PCDH7: variants seen among roughly 807,000 people sequenced by gnomAD.
PCDH7 encodes the protein protocadherin 7.
A neutral mutation model predicts 58.9 loss-of-function variants in PCDH7; 17 were observed. The observed-to-expected ratio is 0.29, with a 90% CI of 0.20 to 0.43. The LOEUF is 0.43. Ranked by LOEUF, PCDH7 falls within the 20% of genes least tolerant of loss-of-function variation. The probability of loss-of-function intolerance (pLI) is 1.00; values close to 1 mark genes in which losing one functional copy is unlikely to be tolerated. For synonymous variants in PCDH7, 664 were observed against 616.4 expected (o/e 1.08, Z -1.14); for missense variants, 1,274 against 1,441.0 (o/e 0.88, Z 1.88).
At chr4:30,968,482 C>T (rs1337247837) in intron 3 of PCDH7, among the ~76,000 whole-genome samples, 1 of 146,296 alleles carries the variant, frequency 6.8e-6, no homozygotes, top group Non-Finnish European at 1.5e-5. Flanking sequence ...AGGTTGGAGA[C>T]TTCTTGAGCA....
At chr4:30,789,049 T>G (rs768998235) in intron 1 of PCDH7, among the ~76,000 whole-genome samples, 1 of 152,098 alleles carries the variant, frequency 6.6e-6, no homozygotes, top group African/African-American at 2.4e-5. Context: ...ACAGTATGAA[T>G]TGACAGTTGT....
At chr4:31,139,068 C>T (rs868545067) in intron 3 of PCDH7, among the ~76,000 whole-genome samples, 10 of 151,892 alleles carry the variant, frequency 6.6e-5, no homozygotes, top group Non-Finnish European at 1.3e-4. Flanking sequence ...TAATAAGATG[C>T]AATGATTCTA....
chr4:30,875,891 TGAAC>T (rs1344443948), intron 1 of PCDH7, among the ~76,000 whole-genome samples: 2 of 152,120 alleles, frequency 1.3e-5, no homozygotes, highest in East Asian at 1.9e-4. Flanking sequence ...ACAGGATCTG[TGAAC>T]GTTTTCTTCT....
chr4:30,857,207 TCATTTAATAGG>T (rs1208744582), intron 1 of PCDH7, among the ~76,000 whole-genome samples: 2 of 152,140 alleles, frequency 1.3e-5, no homozygotes, highest in Non-Finnish European at 1.5e-5. Context: ...TGAATGCCTT[TCATTTAATAGG>T]CATATTTTAG....
chr4:30,823,828 C>G (rs1335066872), intron 1 of PCDH7, among the ~76,000 whole-genome samples: 1 of 151,984 alleles, frequency 6.6e-6, no homozygotes, highest in African/African-American at 2.4e-5. Context: ...CAAATAGCAC[C>G]CAACCAAAAA....
At position 30,723,578 on chromosome 4, in the gene PCDH7, A is replaced by ATCC. The variant is rs763242863; in HGVS notation, c.2160_2162dup (p.Pro721dup). On this transcript the variant is annotated inframe_insertion, in exon 1 of 2. Transcript: ENST00000361762. The surrounding 1 kb of genome is among the most constrained non-coding windows in gnomAD (Gnocchi z 4.6). ...AGAGTCAAGGCTGTGGATGGGGGAGATCCTCCCAGATCTGCCACAGCTACA... is the reference window on the plus strand; with the variant it reads ...AGAGTCAAGGCTGTGGATGGGGGAGATCCTCCTCCCAGATCTGCCACAGCTACA... The ATCC allele has an allele frequency of 6.2e-7, 1 of 1,614,000 alleles. No homozygotes were observed. The highest frequency in any genetic ancestry group is 8.5e-7 in the Non-Finnish European group (1 of 1,180,012).
chr4:30,970,296 CT>C (rs144330919), intron 3 of PCDH7, among the ~76,000 whole-genome samples: 334 of 145,786 alleles, frequency 2.3e-3, no homozygotes, highest in African/African-American at 4.8e-3. Flanking sequence ...TGAATGATAC[CT>C]TTTTTTTTTT....
intron 3 of PCDH7, among the ~76,000 whole-genome samples, chr4:30,979,802 T>G (rs898718391): frequency 5.3e-5 from 8 of 152,124 alleles, no homozygotes; most frequent in African/African-American, 1.9e-4. Flanking sequence ...ATAAAATGAA[T>G]TGTATTCTTA....
At chr4:30,983,480 A>T (rs1750732596) in intron 3 of PCDH7, among the ~76,000 whole-genome samples, 1 of 152,230 alleles carries the variant, frequency 6.6e-6, no homozygotes, top group African/African-American at 2.4e-5. Flanking sequence ...TTTAATAAAA[A>T]GCTAACTTTA....
intron 3 of PCDH7, among the ~76,000 whole-genome samples, chr4:31,020,802 C>G (rs1288166944): frequency 6.6e-6 from 1 of 152,150 alleles, no homozygotes; most frequent in African/African-American, 2.4e-5. Context: ...CTAGCCATTT[C>G]TTTGAGTAAT....
At chr4:30,739,059 T>C (rs1278048190) in intron 1 of PCDH7, among the ~76,000 whole-genome samples, 2 of 146,634 alleles carry the variant, frequency 1.4e-5, no homozygotes, top group East Asian at 4.7e-4. Flanking sequence ...TTTCAATGTT[T>C]AAAATAAAAT....
Position 31,085,754 on chromosome 4 carries a change from C to T in PCDH7, c.*8-56719C>T, listed in dbSNP as rs149343959. Among the ~76,000 whole-genome samples the T allele has an allele frequency of 7.4e-4, 113 of 152,110 alleles. 1 individual carries two copies. Among genetic ancestry groups the T allele is most frequent in the African/African-American group, 2.5e-3 (105 of 41,528 alleles). On this transcript the variant is annotated intron_variant, in intron 3 of 3. Transcript: ENST00000509759. ...TGGCAATTGATTAACAAGTGTTAAA[C>T]TAGCATCTTGACTTAGCAACTGCTA...
At chr4:30,911,332 A>C (rs1474980581) in intron 1 of PCDH7, among the ~76,000 whole-genome samples, 28 of 126,008 alleles carry the variant, frequency 2.2e-4, no homozygotes, top group South Asian at 5.8e-4. Context: ...CCCCCCCCCC[A>C]AAAAAAAGAA....
In PCDH7 at chr4:30,723,845, C is replaced by T. The variant is rs892573239; in HGVS notation, c.2423C>T (p.Thr808Ile). The change falls in exon 1 of 2, where the codon ACC (threonine) becomes ATC (isoleucine). Residue 808 changes from threonine to isoleucine, a missense_variant. By Grantham distance (89) the Thr-to-Ile change is moderately conservative (BLOSUM62 -1). Transcript: ENST00000361762. This position sits in a 1 kb window ranked among gnomAD's most constrained non-coding sequence, Gnocchi z 4.6. ...GTGGTTTCCTTAGTGGGAAAACTCA[C>T]CCAAAAGCATTATGGCTTGCACAGG... 8 of 1,614,000 alleles carry T rather than the reference C, an allele frequency of 5.0e-6. No homozygotes were observed. The highest frequency in any genetic ancestry group is 4.5e-5 in the East Asian group (2 of 44,880).
chr4:31,103,195 A>G (rs1030070874), intron 3 of PCDH7, among the ~76,000 whole-genome samples: 5 of 152,162 alleles, frequency 3.3e-5, no homozygotes, highest in African/African-American at 1.2e-4. Context: ...AGAGACATCA[A>G]ATAATTTTAT....
At chr4:30,786,673 A>C in intron 1 of PCDH7, 2 of 709,268 alleles carry the variant, frequency 2.8e-6, no homozygotes, top group Non-Finnish European at 1.7e-6. Flanking sequence ...CTAGGCTGGC[A>C]AAACCCTACT....
chr4:31,090,639 T>A (rs1334927893), intron 3 of PCDH7, among the ~76,000 whole-genome samples: 1 of 152,110 alleles, frequency 6.6e-6, no homozygotes, highest in Non-Finnish European at 1.5e-5. Context: ...GTTTCACTAA[T>A]TCGGATATAT....
intron 3 of PCDH7, among the ~76,000 whole-genome samples, chr4:31,138,661 G>A (rs964270340): frequency 6.6e-6 from 1 of 152,130 alleles, no homozygotes; most frequent in Non-Finnish European, 1.5e-5. Flanking sequence ...TACTTCATGT[G>A]TTATGAATTG....
chr4:30,905,509 A>G (rs1353552884), intron 1 of PCDH7, among the ~76,000 whole-genome samples: 2 of 152,012 alleles, frequency 1.3e-5, no homozygotes, highest in African/African-American at 4.8e-5. Flanking sequence ...CTTTGCTTGT[A>G]TTCTGTGAAT....
Sources: gnomAD v4.1 joint callset for allele counts (sites outside exome capture counted in the v4.1 genomes callset) on GRCh38, gnomAD v4.1.1 for gene constraint, Gnocchi (gnomAD v3.1) non-coding constraint, MANE v1.5 for transcripts, NCBI Gene and HGNC (gene_info 2026-07-23, HGNC 2026-07-21) for gene names.